TEX36: variants seen among roughly 807,000 people sequenced by gnomAD.
The protein encoded by TEX36 is testis expressed 36.
A neutral mutation model predicts 13.6 loss-of-function variants in TEX36; 12 were observed. The observed-to-expected ratio is 0.88, with a 90% CI of 0.56 to 1.43. The LOEUF (loss-of-function observed/expected upper bound fraction) is 1.43, where lower values mean the gene tolerates loss of function less well. TEX36 is among the 40% of genes most tolerant of loss of function. TEX36 has a pLI of 0.00. For synonymous variants in TEX36, 93 were observed against 83.0 expected, an observed-to-expected ratio of 1.12 and a Z score of -0.65; for missense variants, 224 against 228.3, an observed-to-expected ratio of 0.98 and a Z score of 0.12.
downstream of TEX36, among the ~76,000 whole-genome samples, chr10:125,621,274 G>A (rs994597174): frequency 7.2e-5 from 11 of 152,270 alleles, no homozygotes; most frequent in South Asian, 2.1e-4. Context: ...AGGAGCCATC[G>A]TGTGTTAAGC....
downstream of TEX36, among the ~76,000 whole-genome samples, chr10:125,618,955 A>T (rs1225531038): frequency 3.3e-3 from 479 of 145,686 alleles, 6 homozygotes; most frequent in African/African-American, 8.5e-3. Context: ...AAAAAAAAAA[A>T]AAAAAAAAAA....
At chr10:125,594,873 AAT>A (rs1846062658) in intron 3 of TEX36, among the ~76,000 whole-genome samples, 1 of 152,232 alleles carries the variant, frequency 6.6e-6, no homozygotes, top group Non-Finnish European at 1.5e-5. Context: ...AGAATAAAAG[AAT>A]ATACAGAATC....
chr10:125,680,023 G>A (rs1390551497), intron 1 of TEX36, among the ~76,000 whole-genome samples: 12 of 152,196 alleles, frequency 7.9e-5, no homozygotes, highest in Non-Finnish European at 1.8e-4. Flanking sequence ...ATACTGCTTT[G>A]CACCTTGCTT....
chr10:125,598,956 T>G (rs1341189724), intron 3 of TEX36, among the ~76,000 whole-genome samples: 2 of 152,198 alleles, frequency 1.3e-5, no homozygotes, highest in African/African-American at 4.8e-5. Context: ...ATATCAACCC[T>G]ATTTTTCCAT....
intron 3 of TEX36, among the ~76,000 whole-genome samples, chr10:125,605,585 T>A (rs1468961673): frequency 1.3e-5 from 2 of 151,040 alleles, no homozygotes; most frequent in African/African-American, 4.9e-5. Context: ...GGGTCCAAGA[T>A]GTTTATTTAT....
At chr10:125,663,447 C>T (rs1307188725) in intron 1 of TEX36, among the ~76,000 whole-genome samples, 1 of 152,096 alleles carries the variant, frequency 6.6e-6, no homozygotes, top group Non-Finnish European at 1.5e-5. Context: ...GGTAATTTCT[C>T]GTTTGAGAGT....
At chr10:125,584,342 A>C (rs1486167806) in intron 3 of TEX36, among the ~76,000 whole-genome samples, 1 of 152,256 alleles carries the variant, frequency 6.6e-6, no homozygotes, top group Non-Finnish European at 1.5e-5. Flanking sequence ...GCAACAGATC[A>C]CTGATACAAA....
At chr10:125,579,407 T>C (rs1845859998) in intron 3 of TEX36, among the ~76,000 whole-genome samples, 2 of 152,108 alleles carry the variant, frequency 1.3e-5, no homozygotes, top group African/African-American at 4.8e-5. Context: ...GAGAACAGCA[T>C]GGGGGAACTG....
intron 3 of TEX36, among the ~76,000 whole-genome samples, chr10:125,633,458 G>T (rs1352858673): frequency 6.6e-6 from 1 of 152,134 alleles, no homozygotes; most frequent in Non-Finnish European, 1.5e-5. Flanking sequence ...TTTACCAATC[G>T]ATTTTTTAAA....
At chr10:125,615,072 G>T (rs1328916123) in intron 3 of TEX36, among the ~76,000 whole-genome samples, 1 of 152,112 alleles carries the variant, frequency 6.6e-6, no homozygotes, top group Admixed American at 6.5e-5. Flanking sequence ...CTCATGATTT[G>T]GCTCTCCGTT....
chr10:125,680,847 C>T (rs780963795), intron 1 of TEX36, among the ~76,000 whole-genome samples: 2 of 152,210 alleles, frequency 1.3e-5, no homozygotes, highest in Non-Finnish European at 2.9e-5. Flanking sequence ...AGGGACTGGG[C>T]TACGTTTCTG....
At chr10:125,589,037 C>CTGGG (rs1259061866) in intron 3 of TEX36, among the ~76,000 whole-genome samples, 1 of 152,246 alleles carries the variant, frequency 6.6e-6, no homozygotes, top group Non-Finnish European at 1.5e-5. Context: ...ACCTCCAACG[C>CTGGG]TGGGGGTACC....
intron 3 of TEX36, among the ~76,000 whole-genome samples, chr10:125,590,408 G>T (rs781172345): frequency 2.0e-5 from 3 of 152,002 alleles, no homozygotes; most frequent in African/African-American, 4.8e-5. Context: ...GAACCACCAC[G>T]CCTGGCCCTC....
intron 3 of TEX36, among the ~76,000 whole-genome samples, chr10:125,592,380 T>C (rs1589744578): frequency 6.6e-6 from 1 of 152,068 alleles, no homozygotes; most frequent in South Asian, 2.1e-4. Context: ...CCTCTCTAAC[T>C]ACATGCTCAC....
chr10:125,640,974 C>A (rs1037286541), intron 3 of TEX36, among the ~76,000 whole-genome samples: 1 of 151,658 alleles, frequency 6.6e-6, no homozygotes, highest in Non-Finnish European at 1.5e-5. Context: ...ATCTCTCCCC[C>A]CTCCCCCGGG....
intron 3 of TEX36, among the ~76,000 whole-genome samples, chr10:125,642,303 T>C (rs1370574283): frequency 1.3e-5 from 2 of 152,220 alleles, no homozygotes; most frequent in African/African-American, 4.8e-5. Flanking sequence ...GTGTGTCAGA[T>C]ATGAGCTTGA....
chr10:125,632,002 A>AGATGGCAGCAGAAAGCTGGAAGT (rs1348175549), intron 3 of TEX36, among the ~76,000 whole-genome samples: 6 of 152,122 alleles, frequency 3.9e-5, no homozygotes, highest in Admixed American at 2.0e-4. Flanking sequence ...ATAGGACAGA[A>AGATGGCAGCAGAAAGCTGGAAGT]GATGGCAGCA....
At chr10:125,597,526 T>A (rs952498139) in intron 3 of TEX36, among the ~76,000 whole-genome samples, 2 of 152,204 alleles carry the variant, frequency 1.3e-5, no homozygotes, top group East Asian at 3.8e-4. Context: ...AAGCTGTAAA[T>A]CAATACATGG....
intron 1 of TEX36, among the ~76,000 whole-genome samples, chr10:125,663,708 T>C (rs1184719979): frequency 6.6e-6 from 1 of 152,148 alleles, no homozygotes; most frequent in African/African-American, 2.4e-5. Flanking sequence ...TTTTTTAAAT[T>C]TTTTAAATTT....
Sources: allele counts gnomAD v4.1 joint callset (sites outside exome capture counted in the v4.1 genomes callset), GRCh38; gene constraint gnomAD v4.1.1; transcripts MANE v1.5; gene names NCBI Gene and HGNC (gene_info 2026-07-23, HGNC 2026-07-21).